DDX60L: variants seen among roughly 807,000 people sequenced by gnomAD.
DDX60L encodes the protein probable ATP-dependent RNA helicase DDX60-like.
DDX60L carries 191 observed loss-of-function variants against 211.6 expected under a neutral mutation model. The ratio of observed to expected loss-of-function variants is 0.90; its 90% CI spans 0.80 to 1.02. The LOEUF is 1.02. Among genes scored for constraint, DDX60L ranks in the 50% least tolerant of loss-of-function variants. The pLI is 0.00. For missense variants in DDX60L, 2,007 were observed against 1,984.1 expected (o/e 1.01, Z -0.22); for synonymous variants, 706 against 694.1 (o/e 1.02, Z -0.27).
chr4:168,417,729 A>G (rs772888755), intron 19 of DDX60L, among the ~76,000 whole-genome samples: 1 of 152,214 alleles, frequency 6.6e-6, no homozygotes, highest in Non-Finnish European at 1.5e-5. Flanking sequence ...CTCAATTAAT[A>G]TCTGTTGAAT....
rs112118240 is a variant in DDX60L, at chr4:168,453,379, C to A, written c.838-97G>T. On this transcript the variant is annotated intron_variant, in intron 7 of 37. Coordinates refer to ENST00000682922, the MANE Select transcript of DDX60L (RefSeq NM_001012967.3). ...CGAAGATCATATCTTCAAAGTTTTACATCTACATTTGTGAGAAAGTCCCCT... is the reference window on the plus strand; with the variant it reads ...CGAAGATCATATCTTCAAAGTTTTAAATCTACATTTGTGAGAAAGTCCCCT... 3,393 of 1,295,698 alleles carry A rather than the reference C, an allele frequency of 2.6e-3. 21 individuals are homozygous for A. The highest frequency in any genetic ancestry group is 2.3e-3 in the Non-Finnish European group (2,214 of 952,594). The allele number at this position is 1,295,698 out of a possible 1,614,324, so 80.3% of individuals were successfully genotyped here.
intron 22 of DDX60L, among the ~76,000 whole-genome samples, chr4:168,411,355 C>A (rs1748643778): frequency 6.6e-6 from 1 of 152,164 alleles, no homozygotes; most frequent in Non-Finnish European, 1.5e-5. Context: ...CCAATGCCAC[C>A]CATCCCACAT....
chr4:168,422,239 A>G (rs1561039592), intron 16 of DDX60L, among the ~76,000 whole-genome samples: 1 of 152,258 alleles, frequency 6.6e-6, no homozygotes, highest in South Asian at 2.1e-4. Flanking sequence ...GTAAGTACAG[A>G]AAGAGGTTTC....
intron 5 of DDX60L, 31 bp from the exon 6 acceptor site, chr4:168,458,039 C>A: frequency 1.5e-6 from 2 of 1,291,440 alleles, no homozygotes; most frequent in Non-Finnish European, 2.1e-6. Context: ...TATAAAATAT[C>A]TTAAATAAAG....
intron 37 of DDX60L, among the ~76,000 whole-genome samples, chr4:168,359,546 T>C (rs1323289006): frequency 3.3e-5 from 5 of 152,216 alleles, no homozygotes. Flanking sequence ...CTTCATTTTC[T>C]CTCACCTGGA....
chr4:168,442,161 C>G (rs12505830), intron 9 of DDX60L, among the ~76,000 whole-genome samples: 2 of 151,598 alleles, frequency 1.3e-5, no homozygotes, highest in Non-Finnish European at 2.9e-5. Context: ...GTGTGCGAGC[C>G]GAAGCAGGGC....
rs1221600630 is a variant in DDX60L, at chr4:168,389,677, T to A, written c.3915+1863A>T. The stretch of plus-strand genomic sequence containing the variant: ...TCTAAATAATAACTTAGTTATTGAG[T>A]GAGAAACATAAATCCACAGGTAGAT... On this transcript the variant is annotated intron_variant, in intron 29 of 37. Coordinates refer to ENST00000682922, the MANE Select transcript of DDX60L (RefSeq NM_001012967.3). Among the ~76,000 whole-genome samples the A allele has an allele frequency of 2.0e-5, 3 of 152,330 alleles. No individual in the cohort carries two copies. The South Asian group carries it at 6.2e-4, about 32-fold the overall frequency.
At chr4:168,388,868 T>C (rs1449875280) in intron 29 of DDX60L, among the ~76,000 whole-genome samples, 4 of 152,098 alleles carry the variant, frequency 2.6e-5, no homozygotes, top group Non-Finnish European at 5.9e-5. Context: ...GCTGACATGG[T>C]GGTGAAGAGG....
rs1278692278 is a variant in DDX60L at position 168,422,467 on chromosome 4, T to C, written c.2244+57A>G. The C allele has an allele frequency of 3.3e-6, 5 of 1,522,488 alleles. No homozygotes were observed. In the Admixed American group the frequency reaches 1.0e-4, roughly 32 times the overall value. 94.3% of individuals were successfully genotyped at this position (1,522,488 alleles called of 1,614,324 possible). A position where few individuals can be genotyped will look rare whatever the true frequency, so the allele number is the denominator to read the frequency against. The stretch of plus-strand genomic sequence containing the variant: ...CAAAATTTGACATGTAGAGACACAG[T>C]AATGAAAAGTTCTGAAGTCACACTG... On this transcript the variant is annotated intron_variant, in intron 16 of 37. Coordinates refer to ENST00000682922, the MANE Select transcript of DDX60L (RefSeq NM_001012967.3).
chr4:168,471,695 T>G, intron 4 of DDX60L, 52 bp downstream of exon 4: 1 of 1,409,994 alleles, frequency 7.1e-7, no homozygotes, highest in Non-Finnish European at 9.6e-7. Flanking sequence ...GGTTAAGACA[T>G]TTCAGTTATA....
At chr4:168,413,599 CAG>C (rs1749044203) in intron 22 of DDX60L, among the ~76,000 whole-genome samples, 4 of 151,292 alleles carry the variant, frequency 2.6e-5, no homozygotes, top group African/African-American at 9.7e-5. Flanking sequence ...AAGAATCCAC[CAG>C]AGTCTCTTGA....
intron 10 of DDX60L, among the ~76,000 whole-genome samples, chr4:168,439,154 G>T (rs1180440672): frequency 6.6e-6 from 1 of 152,160 alleles, no homozygotes. Context: ...TGGGTGCTCA[G>T]ATGACAAGAG....
intron 36 of DDX60L, among the ~76,000 whole-genome samples, chr4:168,362,461 T>C (rs1198412083): frequency 6.6e-6 from 1 of 152,192 alleles, no homozygotes. Context: ...CACCCACAGA[T>C]ACCCAGCTCA....
chr4:168,447,875 T>A (rs1041618242), intron 9 of DDX60L, among the ~76,000 whole-genome samples: 1 of 105,506 alleles, frequency 9.5e-6, no homozygotes, highest in Non-Finnish European at 1.8e-5. Context: ...CTGGGGACTG[T>A]TGTGGGGTGG....
At position 168,358,283 on chromosome 4, in the gene DDX60L, AAATGAT is replaced by A. The variant is rs753677644; in HGVS notation, c.4992-13_4992-8del. 6.7e-7 allele frequency: 1 copy of A among 1,483,798 alleles called. No homozygotes were observed. The highest frequency in any genetic ancestry group is 9.0e-7 in the Non-Finnish European group (1 of 1,117,294). 91.9% of individuals were successfully genotyped at this position (1,483,798 alleles called of 1,614,324 possible). On this transcript the variant is annotated splice_region_variant and splice_polypyrimidine_tract_variant and intron_variant, in intron 37 of 37. Transcript: ENST00000682922. ...TAGTTCACTCAAGGAGTCACTGTAT[AAATGAT>A]AATAATAATAAAAAAATAATGAGCC...
chr4:168,359,431 A>C (rs1738726450), intron 37 of DDX60L, among the ~76,000 whole-genome samples: 1 of 152,150 alleles, frequency 6.6e-6, no homozygotes, highest in Non-Finnish European at 1.5e-5. Flanking sequence ...CCAAATTAGA[A>C]ACCCAATTTG....
At chr4:168,370,304 T>G (rs1322981160) in intron 36 of DDX60L, among the ~76,000 whole-genome samples, 1 of 152,098 alleles carries the variant, frequency 6.6e-6, no homozygotes, top group African/African-American at 2.4e-5. Flanking sequence ...TTATGTTAAG[T>G]GAAATAATCC....
rs199885780 is a variant in DDX60L, at chr4:168,427,079, G to A, written c.1921C>T (p.Arg641Ter). The change falls in exon 14 of 38, where the codon CGA becomes TGA. Residue 641 changes from arginine (R) to a stop codon, truncating the protein, a stop_gained. Transcript: ENST00000682922. LOFTEE classifies it high-confidence loss of function. Reference protein sequence around the residue: ...ACFKAWKKHCRGEGKISKDLS... With the variant: ...ACFKAWKKHC ...GTATGGAGTCCCATACCTTCACCTC[G>A]GCAATGTTTTTTCCATGCTTTAAAG... The A allele has an allele frequency of 1.1e-4, 177 of 1,601,852 alleles. No individual in the cohort carries two copies. Among genetic ancestry groups the A allele is most frequent in the Non-Finnish European group, 1.4e-4 (159 of 1,173,166 alleles).
intron 10 of DDX60L, 93 bp downstream of exon 10, chr4:168,441,244 T>A: frequency 8.0e-7 from 1 of 1,256,602 alleles, no homozygotes. Context: ...GAAGGAAAAT[T>A]ATTTACACTT....
Sources: gnomAD v4.1 joint callset for allele counts (sites outside exome capture counted in the v4.1 genomes callset) on GRCh38, gnomAD v4.1.1 for gene constraint, MANE v1.5 for transcripts, NCBI Gene and HGNC (gene_info 2026-07-23, HGNC 2026-07-21) for gene names.